Variants in LRP1B observed in about 807,000 individuals in gnomAD.
The protein encoded by LRP1B is low-density lipoprotein receptor-related protein 1B.
A neutral mutation model predicts 556.6 loss-of-function variants in LRP1B; 217 were observed. That is an observed-to-expected ratio of 0.39 (90% CI 0.35 to 0.44). The LOEUF (loss-of-function observed/expected upper bound fraction) is 0.44. LRP1B is among the 20% of genes least tolerant of loss of function. LRP1B has a pLI of 1.00. For missense variants in LRP1B, 5,053 were observed against 5,620.8 expected, an observed-to-expected ratio of 0.90 and a Z score of 3.23; for synonymous variants, 2,047 against 1,865.8, an observed-to-expected ratio of 1.10 and a Z score of -2.50.
chr2:141,349,105 T>A (rs958178110), intron 3 of LRP1B, among the ~76,000 whole-genome samples: 4 of 151,840 alleles, frequency 2.6e-5, no homozygotes, highest in African/African-American at 9.7e-5. Context: ...CTAATACATC[T>A]ATTGTAAGTA....
chr2:140,937,912 A>ATT (rs112320532), intron 20 of LRP1B, among the ~76,000 whole-genome samples: 37 of 145,774 alleles, frequency 2.5e-4, no homozygotes, highest in Admixed American at 3.4e-4. Context: ...TTGGTAGGAC[A>ATT]TTTTTTTTTT....
intron 2 of LRP1B, among the ~76,000 whole-genome samples, chr2:141,770,321 A>G (rs916944228): frequency 6.6e-6 from 1 of 152,236 alleles, no homozygotes; most frequent in African/African-American, 2.4e-5. Context: ...AATAAATATC[A>G]TTATTCTCAC....
intron 18 of LRP1B, among the ~76,000 whole-genome samples, chr2:140,976,092 G>T (rs1696587365): frequency 6.6e-6 from 1 of 151,644 alleles, no homozygotes; most frequent in Non-Finnish European, 1.5e-5. Context: ...TAATTTTTTT[G>T]TATTTTTTGT....
intron 3 of LRP1B, among the ~76,000 whole-genome samples, chr2:141,278,072 G>A (rs112854034): frequency 1.0e-3 from 153 of 152,122 alleles, no homozygotes; most frequent in African/African-American, 3.5e-3. Context: ...ATTTTGATTC[G>A]TGAGCATGAG....
intron 32 of LRP1B, among the ~76,000 whole-genome samples, chr2:140,783,947 C>G (rs1467552481): frequency 6.6e-6 from 1 of 152,120 alleles, no homozygotes; most frequent in Non-Finnish European, 1.5e-5. Flanking sequence ...GATTGTTGGG[C>G]TCCACCCCAG....
chr2:141,097,113 G>C (rs1472564876), intron 7 of LRP1B, among the ~76,000 whole-genome samples: 2 of 152,160 alleles, frequency 1.3e-5, no homozygotes, highest in Non-Finnish European at 2.9e-5. Context: ...GTAATTAAGA[G>C]CTATTTGTTT....
intron 35 of LRP1B, among the ~76,000 whole-genome samples, chr2:140,718,353 AT>A (rs1417583109): frequency 4.6e-5 from 7 of 152,000 alleles, no homozygotes; most frequent in Non-Finnish European, 8.8e-5. Context: ...AGATACTCTC[AT>A]ATTTAATCCA....
chr2:140,276,489 C>A (rs538985252), intron 84 of LRP1B, among the ~76,000 whole-genome samples: 1 of 151,928 alleles, frequency 6.6e-6, no homozygotes, highest in African/African-American at 2.4e-5. Flanking sequence ...TTGTTCTAGG[C>A]TTGGAGGGTA....
At chr2:140,712,133 TCTC>T (rs1243697525) in intron 37 of LRP1B, among the ~76,000 whole-genome samples, 1 of 152,052 alleles carries the variant, frequency 6.6e-6, no homozygotes, top group African/African-American at 2.4e-5. Flanking sequence ...TTGAATCTCT[TCTC>T]CCACAAGTGC....
chr2:140,308,072 C>T (rs1160380172), intron 83 of LRP1B, among the ~76,000 whole-genome samples: 3 of 151,620 alleles, frequency 2.0e-5, no homozygotes, highest in Admixed American at 6.6e-5. Context: ...TACTTATTGT[C>T]AAGTAATATA....
chr2:140,788,008 T>C (rs2104978620), intron 32 of LRP1B, among the ~76,000 whole-genome samples: 1 of 152,268 alleles, frequency 6.6e-6, no homozygotes, highest in Non-Finnish European at 1.5e-5. Context: ...GTAATGCAGT[T>C]TGGAAGCACA....
At chr2:141,508,554 C>T (rs913077571) in intron 2 of LRP1B, among the ~76,000 whole-genome samples, 1 of 152,086 alleles carries the variant, frequency 6.6e-6, no homozygotes, top group Non-Finnish European at 1.5e-5. Context: ...GTGAATGACA[C>T]ACTCAGATTT....
chr2:140,882,088 C>T (rs936085690), intron 25 of LRP1B, among the ~76,000 whole-genome samples: 3 of 152,132 alleles, frequency 2.0e-5, no homozygotes, highest in Admixed American at 2.0e-4. Flanking sequence ...TTTTTCTTCT[C>T]ATGTTGGTAT....
chr2:141,193,663 C>A (rs1194462603), intron 6 of LRP1B, among the ~76,000 whole-genome samples: 3 of 151,244 alleles, frequency 2.0e-5, no homozygotes, highest in Non-Finnish European at 4.4e-5. Flanking sequence ...ATCTGTACAA[C>A]AAACCCCCAT....
At chr2:141,537,826 G>A (rs1174857184) in intron 2 of LRP1B, among the ~76,000 whole-genome samples, 2 of 151,960 alleles carry the variant, frequency 1.3e-5, no homozygotes, top group South Asian at 2.1e-4. Context: ...AGTGGGGAGC[G>A]GGATTGTGCT....
intron 28 of LRP1B, 98 bp downstream of exon 28, chr2:140,851,554 A>T: frequency 2.9e-6 from 4 of 1,395,118 alleles, no homozygotes; most frequent in Middle Eastern, 2.1e-4. Flanking sequence ...AGAAAAAAAA[A>T]CTTCCTCTGC....
At chr2:141,426,155 C>A (rs949775577) in intron 3 of LRP1B, among the ~76,000 whole-genome samples, 2 of 151,954 alleles carry the variant, frequency 1.3e-5, no homozygotes, top group Non-Finnish European at 2.9e-5. Flanking sequence ...CCAGTTTTCC[C>A]AGCACCATTT....
chr2:141,800,308 T>C (rs1242264520), intron 2 of LRP1B, among the ~76,000 whole-genome samples: 1 of 152,192 alleles, frequency 6.6e-6, no homozygotes, highest in Non-Finnish European at 1.5e-5. Flanking sequence ...CCAGGCTGTA[T>C]AGCATGCTGC....
intron 29 of LRP1B, among the ~76,000 whole-genome samples, chr2:140,849,242 G>A (rs1692370161): frequency 2.7e-5 from 4 of 149,658 alleles, no homozygotes; most frequent in African/African-American, 9.8e-5. Context: ...GTGTGGTGGT[G>A]GGTGCCTGTA....
Sources: allele counts gnomAD v4.1 joint callset (sites outside exome capture counted in the v4.1 genomes callset), GRCh38; gene constraint gnomAD v4.1.1; transcripts MANE v1.5; gene names NCBI Gene and HGNC (gene_info 2026-07-23, HGNC 2026-07-21).